CDKAL1: variants seen among roughly 807,000 people sequenced by gnomAD.
The protein encoded by CDKAL1 is CDKAL1 threonylcarbamoyladenosine tRNA methylthiotransferase.
Under a neutral mutation model 68.2 loss-of-function variants are expected in CDKAL1, and 32 were observed. That is an observed-to-expected ratio of 0.47 (90% CI 0.35 to 0.63). The LOEUF is 0.63. Ranked by LOEUF, CDKAL1 falls within the 30% of genes least tolerant of loss-of-function variation. CDKAL1 has a pLI of 0.00. For synonymous variants in CDKAL1, 234 were observed against 244.3 expected, an observed-to-expected ratio of 0.96 and a Z score of 0.39; for missense variants, 606 against 696.7, an observed-to-expected ratio of 0.87 and a Z score of 1.47.
chr6:20,940,907 A>T (rs373134674), intron 9 of CDKAL1, among the ~76,000 whole-genome samples: 1 of 152,126 alleles, frequency 6.6e-6, no homozygotes, highest in East Asian at 1.9e-4. Context: ...TGGCTAACAC[A>T]GTGAAACCGC....
At chr6:21,040,351 G>C (rs1034892903) in intron 11 of CDKAL1, among the ~76,000 whole-genome samples, 1 of 152,024 alleles carries the variant, frequency 6.6e-6, no homozygotes, top group Non-Finnish European at 1.5e-5. Context: ...AAAAATAATG[G>C]GCTGAAGTCT....
chr6:20,649,401 T>G, intron 5 of CDKAL1, 24 bp downstream of exon 5: 2 of 1,315,640 alleles, frequency 1.5e-6, no homozygotes, highest in Non-Finnish European at 2.2e-6. Context: ...GATTTTTTCC[T>G]ATTTTGTATA....
At chr6:20,760,337 G>T (rs1222036386) in intron 7 of CDKAL1, among the ~76,000 whole-genome samples, 1 of 152,076 alleles carries the variant, frequency 6.6e-6, no homozygotes, top group African/African-American at 2.4e-5. Context: ...AAAATTTATA[G>T]CAATGATAAT....
At chr6:21,060,785 A>T (rs1272959411) in intron 11 of CDKAL1, among the ~76,000 whole-genome samples, 1 of 152,096 alleles carries the variant, frequency 6.6e-6, no homozygotes, top group African/African-American at 2.4e-5. Context: ...TTTGTCCTAG[A>T]ATAAACCTCC....
At chr6:20,723,407 C>T (rs1186226509) in intron 5 of CDKAL1, among the ~76,000 whole-genome samples, 5 of 152,266 alleles carry the variant, frequency 3.3e-5, no homozygotes, top group East Asian at 1.9e-4. Context: ...GTGGGCCCTG[C>T]GCGGAGCTTG....
At chr6:20,855,442 CAAAAAAAAAAAA>C (rs145448785) in intron 9 of CDKAL1, among the ~76,000 whole-genome samples, 6 of 64,638 alleles carry the variant, frequency 9.3e-5, no homozygotes, top group East Asian at 5.4e-4. Flanking sequence ...GACTCCGTCT[CAAAAAAAAAAAA>C]AAAAAAAAAA....
chr6:20,874,255 T>A lies in CDKAL1; in HGVS notation c.742+28077T>A, dbSNP rs373708435. 1.6e-3 allele frequency among the ~76,000 whole-genome samples: 249 copies of A among 152,212 alleles called. 8 individuals are homozygous for A. In the South Asian group the frequency reaches 0.049, roughly 30 times the overall value. On this transcript the variant is annotated intron_variant, in intron 9 of 15. Coordinates refer to ENST00000274695, the MANE Select transcript of CDKAL1 (RefSeq NM_017774.3). ...TTTTACATTGGGGGCTATTTATCCA[T>A]GTTTCTAGATGAAAAGGAACAAGGA...
intron 9 of CDKAL1, among the ~76,000 whole-genome samples, chr6:20,865,282 T>A (rs1759847590): frequency 1.3e-5 from 2 of 152,208 alleles, no homozygotes; most frequent in African/African-American, 4.8e-5. Flanking sequence ...CATTTGTTGC[T>A]ATAGGTGCAA....
intron 9 of CDKAL1, among the ~76,000 whole-genome samples, chr6:20,936,634 T>C (rs1395531012): frequency 6.6e-6 from 1 of 152,062 alleles, no homozygotes; most frequent in Non-Finnish European, 1.5e-5. Context: ...CTGATGACAA[T>C]GGCAGTACTA....
chr6:20,919,334 A>T (rs1294145805), intron 9 of CDKAL1, among the ~76,000 whole-genome samples: 1 of 152,208 alleles, frequency 6.6e-6, no homozygotes, highest in African/African-American at 2.4e-5. Context: ...TTATGATTTA[A>T]TTATTTGCAC....
intron 15 of CDKAL1, among the ~76,000 whole-genome samples, chr6:21,219,930 G>A (rs540125045): frequency 3.9e-5 from 6 of 152,276 alleles, no homozygotes; most frequent in South Asian, 2.1e-4. Flanking sequence ...TCCTGTGTGC[G>A]CTGCATGGAA....
chr6:20,794,617 T>G (rs1776036467), intron 8 of CDKAL1, among the ~76,000 whole-genome samples: 1 of 152,156 alleles, frequency 6.6e-6, no homozygotes, highest in Non-Finnish European at 1.5e-5. Flanking sequence ...TTTTGGCAGA[T>G]TCACATATTC....
chr6:20,750,651 A>G (rs1188155088), intron 6 of CDKAL1, among the ~76,000 whole-genome samples: 1 of 152,044 alleles, frequency 6.6e-6, no homozygotes, highest in South Asian at 2.1e-4. Context: ...TGTGCCTCAA[A>G]TCTCTCAGCC....
At chr6:20,616,960 A>G (rs2127728481) in intron 4 of CDKAL1, among the ~76,000 whole-genome samples, 1 of 149,106 alleles carries the variant, frequency 6.7e-6, no homozygotes, top group South Asian at 2.1e-4. Flanking sequence ...GAATCACCTG[A>G]GTGCACGAAG....
chr6:20,903,149 A>G (rs1022157516), intron 9 of CDKAL1, among the ~76,000 whole-genome samples: 3 of 152,150 alleles, frequency 2.0e-5, no homozygotes, highest in Non-Finnish European at 4.4e-5. Flanking sequence ...CAGCCAAACT[A>G]AAAACACCTC....
chr6:21,088,504 A>G (rs1772822799), intron 12 of CDKAL1, among the ~76,000 whole-genome samples: 1 of 152,258 alleles, frequency 6.6e-6, no homozygotes, highest in African/African-American at 2.4e-5. Context: ...AACCAACTTA[A>G]TAAAGAACAA....
At chr6:20,635,677 G>A (rs1054679323) in intron 4 of CDKAL1, among the ~76,000 whole-genome samples, 1 of 152,152 alleles carries the variant, frequency 6.6e-6, no homozygotes, top group African/African-American at 2.4e-5. Context: ...CTCTTCTAGT[G>A]GGTCTCCCCA....
intron 8 of CDKAL1, among the ~76,000 whole-genome samples, chr6:20,829,069 A>G (rs889365271): frequency 3.3e-5 from 5 of 152,202 alleles, no homozygotes; most frequent in Non-Finnish European, 5.9e-5. Context: ...TAGTTTGTTT[A>G]TGCATACATC....
chr6:21,121,981 A>T (rs1774744609), intron 13 of CDKAL1, among the ~76,000 whole-genome samples: 1 of 152,206 alleles, frequency 6.6e-6, no homozygotes, highest in Non-Finnish European at 1.5e-5. Context: ...ATACACACAA[A>T]ACCTCTAGAC....
Sources: gnomAD v4.1 joint callset for allele counts (sites outside exome capture counted in the v4.1 genomes callset) on GRCh38, gnomAD v4.1.1 for gene constraint, MANE v1.5 for transcripts, NCBI Gene and HGNC (gene_info 2026-07-23, HGNC 2026-07-21) for gene names.